The following CBL variants were observed in gnomAD, a reference collection of about 807,000 sequenced individuals.
The protein encoded by CBL is E3 ubiquitin-protein ligase CBL.
CBL carries 45 observed loss-of-function variants against 96.9 expected under a neutral mutation model. The observed-to-expected ratio is 0.46, with a 90% CI of 0.37 to 0.60. The LOEUF (loss-of-function observed/expected upper bound fraction) is 0.60. CBL is among the 20% of genes least tolerant of loss of function. The pLI, the probability that CBL is intolerant of heterozygous loss-of-function variation, is 0.00. For synonymous variants in CBL, 420 were observed against 426.8 expected, an observed-to-expected ratio of 0.98 and a Z score of 0.20; for missense variants, 1,024 against 1,143.5, an observed-to-expected ratio of 0.90 and a Z score of 1.51.
chr11:119,243,704 A>G (rs1375873331), intron 2 of CBL, among the ~76,000 whole-genome samples: 2 of 152,090 alleles, frequency 1.3e-5, no homozygotes, highest in Non-Finnish European at 2.9e-5. Context: ...TAAATTTTCT[A>G]CAATGAATAT....
At chr11:119,229,750 A>C (rs902323549) in intron 1 of CBL, among the ~76,000 whole-genome samples, 19 of 150,938 alleles carry the variant, frequency 1.3e-4, no homozygotes, top group Non-Finnish European at 2.7e-4. Flanking sequence ...TTTTCTTGAG[A>C]CCAGAATCTT....
chr11:119,242,863 C>T (rs1488590308), intron 2 of CBL, among the ~76,000 whole-genome samples: 2 of 151,490 alleles, frequency 1.3e-5, no homozygotes, highest in East Asian at 3.9e-4. Context: ...AAATTTTTCT[C>T]TCAAATCTAT....
intron 1 of CBL, among the ~76,000 whole-genome samples, chr11:119,219,056 A>T (rs1949386331): frequency 6.6e-6 from 1 of 151,712 alleles, no homozygotes; most frequent in Admixed American, 6.6e-5. Context: ...TCTTTATTTT[A>T]AAAAAAAATT....
intron 2 of CBL, among the ~76,000 whole-genome samples, chr11:119,233,198 T>C (rs938206909): frequency 1.3e-5 from 2 of 152,158 alleles, no homozygotes; most frequent in African/African-American, 4.8e-5. Context: ...TAGAGGTGAA[T>C]GCAGTTAATT....
In CBL at chr11:119,232,487, A is replaced by G. The variant is rs1266550121; in HGVS notation, c.235A>G (p.Asn79Asp). 2 of 1,613,998 alleles carry G rather than the reference A, an allele frequency of 1.2e-6. No individual in the cohort carries two copies. Among genetic ancestry groups the G allele is most frequent in the Non-Finnish European group, 1.7e-6 (2 of 1,179,900 alleles). ...LCQNPKLALKNSPPYILDLLP... is the reference protein window; with the variant it reads ...LCQNPKLALKDSPPYILDLLP... ...TCAGAACCCAAAGCTGGCGCTAAAG[A>G]ATAGCCCACCTTATATCTTAGACCT... The change falls in exon 2 of 16, where the codon AAT (asparagine) becomes GAT (aspartate). Residue 79 changes from asparagine (N) to aspartate (D), a missense_variant. Coordinates refer to ENST00000264033, the MANE Select transcript of CBL (RefSeq NM_005188.4).
At chr11:119,282,184 G>A (rs1159977149) in intron 9 of CBL, among the ~76,000 whole-genome samples, 4 of 145,248 alleles carry the variant, frequency 2.8e-5, no homozygotes, top group Admixed American at 6.7e-5. Context: ...CTAAAAATAC[G>A]AAAATTAGCC....
Position 119,273,965 on chromosome 11 carries a change from C to G in CBL, c.688C>G (p.Leu230Val), listed in dbSNP as rs1949868216. Residue 230 changes from leucine to valine, a missense_variant, in exon 4 of 16, where the codon CTG becomes GTG. Physicochemically the swap from Leu to Val is conservative, Grantham distance 32 (BLOSUM62 1). This residue lies in a region of CBL where 192 missense variants were observed against 321.8 expected (regional missense o/e 0.60). Transcript: ENST00000264033. ...CATGGCTCTGAAATCCACTATTGAT[C>G]TGACCTGCAATGATTATATTTCGGT... ...EAMALKSTID[L>V]TCNDYISVFE... The G allele has an allele frequency of 6.2e-7, 1 of 1,613,912 alleles. No individual in the cohort carries two copies. Among genetic ancestry groups the G allele is most frequent in the Non-Finnish European group, 8.5e-7 (1 of 1,179,832 alleles).
At position 119,307,111 on chromosome 11, in the gene CBL, T is replaced by C. The variant is rs1186285887; in HGVS notation, c.*7330T>C. 4.3e-6 allele frequency: 1 copy of C among 231,504 alleles called. No individual in the cohort carries two copies. Among genetic ancestry groups the C allele is most frequent in the Non-Finnish European group, 8.6e-6 (1 of 116,902 alleles). The allele number at this position is 231,504 out of a possible 1,614,324, so 14.3% of individuals were successfully genotyped here. A position where few individuals can be genotyped will look rare whatever the true frequency, so the allele number is the denominator to read the frequency against. On this transcript the variant is annotated 3_prime_UTR_variant, in exon 16 of 16. Coordinates refer to ENST00000264033, the MANE Select transcript of CBL (RefSeq NM_005188.4). ...AGAATGCTCTCTGTGACTGGAGAGG[T>C]GACATGCAGGTGCAGTGTGTCTGGA...
At chr11:119,254,265 A>G (rs562253967) in intron 2 of CBL, among the ~76,000 whole-genome samples, 6 of 152,232 alleles carry the variant, frequency 3.9e-5, no homozygotes, top group Non-Finnish European at 7.3e-5. Flanking sequence ...TTTTACCACA[A>G]TATTTAAAAA....
chr11:119,269,975 C>A (rs1412128311), intron 2 of CBL, among the ~76,000 whole-genome samples: 2 of 151,346 alleles, frequency 1.3e-5, no homozygotes, highest in Admixed American at 1.3e-4. Context: ...CCAGCCCAGG[C>A]GACAGAGCGA....
intron 1 of CBL, among the ~76,000 whole-genome samples, chr11:119,223,184 CTTTTT>C (rs1167302746): frequency 1.5e-5 from 1 of 67,156 alleles, no homozygotes; most frequent in Non-Finnish European, 2.4e-5. Context: ...CACACCCTTC[CTTTTT>C]TTTTTTTTTT....
chr11:119,260,066 C>G (rs1234830549), intron 2 of CBL, among the ~76,000 whole-genome samples: 1 of 152,150 alleles, frequency 6.6e-6, no homozygotes, highest in East Asian at 1.9e-4. Flanking sequence ...GCTAGTTATA[C>G]TCATGTTAGT....
intron 2 of CBL, among the ~76,000 whole-genome samples, chr11:119,250,824 G>A (rs901043486): frequency 4.6e-5 from 7 of 152,032 alleles, no homozygotes; most frequent in African/African-American, 1.5e-4. Context: ...GGAGGTGCGC[G>A]CCTGTAATTC....
chr11:119,279,239 A>C (rs918929624), intron 9 of CBL, among the ~76,000 whole-genome samples: 1 of 151,422 alleles, frequency 6.6e-6, no homozygotes, highest in African/African-American at 2.4e-5. Context: ...CCCATAGCTC[A>C]TGCCTATAAT....
In CBL at chr11:119,276,153, C is replaced by T. The variant is rs957752605; in HGVS notation, c.1007+19C>T. ...AAGGCTTGTGAGTACCTACTGCATA[C>T]CATCTGTTAGAGTCTGGGAACTTAG... On this transcript the variant is annotated intron_variant, in intron 6 of 15. Transcript: ENST00000264033. 5 of 1,613,472 alleles carry T rather than the reference C, an allele frequency of 3.1e-6. No homozygotes were observed. The African/African-American group carries it at 6.7e-5, about 22-fold the overall frequency.
intron 11 of CBL, among the ~76,000 whole-genome samples, chr11:119,287,446 A>G (rs921608604): frequency 6.6e-6 from 1 of 152,196 alleles, no homozygotes; most frequent in African/African-American, 2.4e-5. Context: ...GAGAAAGGGT[A>G]ATGCTCAAGT....
chr11:119,227,431 C>G (rs77374978), intron 1 of CBL, among the ~76,000 whole-genome samples: 7,361 of 152,202 alleles, frequency 0.048, 593 homozygotes, highest in African/African-American at 0.17. Context: ...CTGTAGCTGG[C>G]TTTTTTCTCT....
chr11:119,300,106 A>G lies in CBL; in HGVS notation c.*325A>G. The G allele has an allele frequency of 7.3e-6, 4 of 549,672 alleles. No individual in the cohort carries two copies. Among genetic ancestry groups the G allele is most frequent in the Non-Finnish European group, 1.3e-5 (4 of 308,096 alleles). The allele number at this position is 549,672 out of a possible 1,614,324, so 34.0% of individuals were successfully genotyped here. A position where few individuals can be genotyped will look rare whatever the true frequency, so the allele number is the denominator to read the frequency against. On this transcript the variant is annotated 3_prime_UTR_variant, in exon 16 of 16. Coordinates refer to ENST00000264033, the MANE Select transcript of CBL (RefSeq NM_005188.4). ...AACAAGTATTTTGCTGGAAATCCTA[A>G]TTGAGGACTTAAGACTTCCTGGGTT... is the stretch of plus-strand genomic sequence containing the variant.
intron 1 of CBL, among the ~76,000 whole-genome samples, chr11:119,231,451 C>G (rs1277497573): frequency 2.0e-5 from 3 of 147,962 alleles, no homozygotes; most frequent in Admixed American, 6.7e-5. Flanking sequence ...CAGCAAAGTG[C>G]TGTAATCCCA....
Sources: allele counts gnomAD v4.1 joint callset (sites outside exome capture counted in the v4.1 genomes callset), GRCh38; gene constraint gnomAD v4.1.1; regional missense constraint gnomAD v4.1.1; transcripts MANE v1.5; gene names NCBI Gene and HGNC (gene_info 2026-07-23, HGNC 2026-07-21).